Variants in TRIM15 observed in about 807,000 individuals in gnomAD.
TRIM15 encodes the protein tripartite motif containing 15, also known as E3 ubiquitin-protein ligase TRIM15.
TRIM15 carries 35 observed loss-of-function variants against 35.8 expected under a neutral mutation model. That is an observed-to-expected ratio of 0.98 (90% CI 0.75 to 1.30). The LOEUF is 1.30. Among genes scored for constraint, TRIM15 ranks in the 50% most tolerant of loss-of-function variants. The pLI, the probability that TRIM15 is intolerant of heterozygous loss-of-function variation, is 0.00. For missense variants in TRIM15, 590 were observed against 593.5 expected (o/e 0.99, Z 0.06); for synonymous variants, 252 against 249.8 (o/e 1.01, Z -0.08).
Position 30,172,334 on chromosome 6 carries a change from T to C in TRIM15, c.1383T>C (p.Leu461=). ...CCGTCTGGAAAAAAGGTTCCTGCCTTACGCTGAAAGGCTGAAGTGGGGCGC... is the reference window on the plus strand; with the variant it reads ...CCGTCTGGAAAAAAGGTTCCTGCCTCACGCTGAAAGGCTGAAGTGGGGCGC... ...FFAVWKKGSC[L]TLKG The change falls in exon 7 of 7, where the codon CTT becomes CTC. Residue 461 remains leucine, a synonymous_variant. Transcript: ENST00000376694. 6.2e-7 allele frequency: 1 copy of C among 1,607,232 alleles called. No homozygotes were observed. Among genetic ancestry groups the C allele is most frequent in the Non-Finnish European group, 8.5e-7 (1 of 1,176,858 alleles).
At chr6:30,170,731 G>C (rs1773954005) in intron 5 of TRIM15, 115 bp downstream of exon 5, 2 of 854,218 alleles carry the variant, frequency 2.3e-6, no homozygotes, top group African/African-American at 3.4e-5. Context: ...TCCCTCCCCA[G>C]AGCCTTCCCT....
intron 1 of TRIM15, 73 bp downstream of exon 1, chr6:30,164,138 C>T (rs927595097): frequency 4.9e-5 from 75 of 1,533,128 alleles, no homozygotes; most frequent in African/African-American, 6.9e-5. Flanking sequence ...GGAAATCGGG[C>T]GGGGATCTGG....
intron 2 of TRIM15, 74 bp downstream of exon 2, chr6:30,167,345 G>A: frequency 7.9e-7 from 1 of 1,262,744 alleles, no homozygotes; most frequent in South Asian, 1.2e-5. Flanking sequence ...CCGTTGGCTG[G>A]TATCTGTTTC....
Position 30,164,076 on chromosome 6 carries a change from T to C in TRIM15, c.381+11T>C. The C allele has an allele frequency of 6.2e-7, 1 of 1,603,088 alleles. No homozygotes were observed. Among genetic ancestry groups the C allele is most frequent in the Non-Finnish European group, 8.5e-7 (1 of 1,174,114 alleles). Reference sequence around the variant, plus strand: ...ATTCAGCCCTACCGGGTAAGAAGTGTAGCTTTACCTAGGGCCTGTTTGGGG... The same window carrying C: ...ATTCAGCCCTACCGGGTAAGAAGTGCAGCTTTACCTAGGGCCTGTTTGGGG... On this transcript the variant is annotated intron_variant, in intron 1 of 6. Coordinates refer to ENST00000376694, the MANE Select transcript of TRIM15 (RefSeq NM_033229.3).
intron 6 of TRIM15, 114 bp from the exon 7 acceptor site, chr6:30,171,718 C>A: frequency 1.5e-6 from 2 of 1,356,326 alleles, no homozygotes; most frequent in Non-Finnish European, 1.9e-6. Flanking sequence ...GAGAAGTGGC[C>A]CAATGGCAGG....
rs149454547 is a variant in TRIM15 at position 30,172,633 on chromosome 6, G to C, written c.*284G>C. 0.014 allele frequency: 9,115 copies of C among 651,866 alleles called. 113 individuals carry two copies. Among genetic ancestry groups the C allele is most frequent in the Middle Eastern group, 0.027 (112 of 4,082 alleles). The allele number at this position is 651,866 out of a possible 1,614,324, so 40.4% of individuals were successfully genotyped here. ...GGCAACAGCCAACCTAGGAGCCAGC[G>C]GGCTTTCGGGGAAAAAAAAGAAAAA... On this transcript the variant is annotated 3_prime_UTR_variant, in exon 7 of 7. Coordinates refer to ENST00000376694, the MANE Select transcript of TRIM15 (RefSeq NM_033229.3).
chr6:30,171,032 G>A (rs1431968475), intron 6 of TRIM15, 24 bp downstream of exon 6: 1 of 1,608,106 alleles, frequency 6.2e-7, no homozygotes, highest in Admixed American at 1.7e-5. Flanking sequence ...GATTTGGGGA[G>A]TCATTCTTCC....
chr6:30,164,209 C>A, intron 1 of TRIM15, 144 bp downstream of exon 1: 1 of 1,239,550 alleles, frequency 8.1e-7, no homozygotes, highest in Non-Finnish European at 1.1e-6. Flanking sequence ...CATTCCCAGA[C>A]TGAAGGCAGA....
intron 4 of TRIM15, chr6:30,169,850 C>T (rs1773886424): frequency 4.1e-6 from 1 of 246,120 alleles, no homozygotes; most frequent in African/African-American, 2.3e-5. Flanking sequence ...GAACAATTGT[C>T]ACGTGCTTTG....
chr6:30,165,671 T>C (rs903599384), intron 1 of TRIM15, among the ~76,000 whole-genome samples: 3 of 152,148 alleles, frequency 2.0e-5, no homozygotes, highest in Non-Finnish European at 4.4e-5. Context: ...TCTTGAGGAG[T>C]TGCCACACTG....
intron 2 of TRIM15, among the ~76,000 whole-genome samples, chr6:30,168,055 TCAA>T (rs1371531284): frequency 6.6e-6 from 1 of 152,218 alleles, no homozygotes; most frequent in Non-Finnish European, 1.5e-5. Flanking sequence ...TTTGAAAAGT[TCAA>T]CATCATTCTG....
chr6:30,165,178 C>T (rs1051942551), intron 1 of TRIM15, among the ~76,000 whole-genome samples: 5 of 151,736 alleles, frequency 3.3e-5, no homozygotes, highest in East Asian at 1.9e-4. Flanking sequence ...TAGGTATATA[C>T]GTGCCATGGT....
In TRIM15 at chr6:30,172,310, C is replaced by T; in HGVS notation, c.1359C>T (p.Ala453=). 3 of 1,610,332 alleles carry T rather than the reference C, an allele frequency of 1.9e-6. No individual in the cohort carries two copies. The highest frequency in any genetic ancestry group is 2.5e-6 in the Non-Finnish European group (3 of 1,179,146). Reference sequence around the variant, plus strand: ...CCGGCAAAGTCTTCCCTTTCTTTGCCGTCTGGAAAAAAGGTTCCTGCCTTA... The same window carrying T: ...CCGGCAAAGTCTTCCCTTTCTTTGCTGTCTGGAAAAAAGGTTCCTGCCTTA... ...SFSGKVFPFF[A]VWKKGSCLTL... is the part of the protein sequence containing the mutation. Residue 453 remains alanine (A), a synonymous_variant, in exon 7 of 7, where the codon GCC becomes GCT. Coordinates refer to ENST00000376694, the MANE Select transcript of TRIM15 (RefSeq NM_033229.3).
chr6:30,170,704 C>T (rs1773951695), intron 5 of TRIM15, 88 bp downstream of exon 5: 2 of 1,101,684 alleles, frequency 1.8e-6, no homozygotes, highest in East Asian at 2.4e-5. Context: ...GCCCTTGAAA[C>T]CTGGCTCGAG....
chr6:30,170,347 CA>C lies in TRIM15; in HGVS notation c.732-153del, dbSNP rs1773920184. On this transcript the variant is annotated intron_variant, in intron 4 of 6. Transcript: ENST00000376694. ...GAAATGCCTACTATTTTAGTAACTA[CA>C]CATTTCCAGCAAAAGTAAAGAAATG... 8 of 587,242 alleles carry C rather than the reference CA, an allele frequency of 1.4e-5. No homozygotes were observed. In the Admixed American group the frequency reaches 1.6e-4, roughly 12 times the overall value. 36.4% of individuals were successfully genotyped at this position (587,242 alleles called of 1,614,324 possible).
chr6:30,171,081 A>C, intron 6 of TRIM15, 73 bp downstream of exon 6: 1 of 1,508,614 alleles, frequency 6.6e-7, no homozygotes, highest in South Asian at 1.2e-5. Context: ...CAGAGCAATA[A>C]AATGCATGAA....
intron 3 of TRIM15, 47 bp downstream of exon 3, chr6:30,168,577 G>A: frequency 6.6e-7 from 1 of 1,519,264 alleles, no homozygotes; most frequent in Non-Finnish European, 8.9e-7. Context: ...GGACTCCACG[G>A]GGAAGGGGGT....
In TRIM15 at chr6:30,172,214, C is replaced by T; in HGVS notation, c.1263C>T (p.Tyr421=). Residue 421 remains tyrosine, a synonymous_variant, in exon 7 of 7, where the codon TAC becomes TAT. Coordinates refer to ENST00000376694, the MANE Select transcript of TRIM15 (RefSeq NM_033229.3). ...GCGGCGTGAGAGTCGCCCTGGACTA[C>T]GAGGCGGGGCAGGTGACCCTCCACA... ...IPRGVRVALD[Y]EAGQVTLHNA... 2 of 1,611,726 alleles carry T rather than the reference C, an allele frequency of 1.2e-6. No individual in the cohort carries two copies.
At position 30,168,534 on chromosome 6, in the gene TRIM15, A is replaced by C; in HGVS notation, c.708+4A>C. On this transcript the variant is annotated splice_donor_region_variant and intron_variant, in intron 3 of 6. Coordinates refer to ENST00000376694, the MANE Select transcript of TRIM15 (RefSeq NM_033229.3). ...GCCAGCAAGTGAGCTTCTACAAGTG[A>C]GAGACACTTCACCACTTTGTAGGAT... 1 of 1,578,554 alleles carries C rather than the reference A, an allele frequency of 6.3e-7. No homozygotes were observed. The highest frequency in any genetic ancestry group is 8.6e-7 in the Non-Finnish European group (1 of 1,161,092).
Sources: allele counts gnomAD v4.1 joint callset (sites outside exome capture counted in the v4.1 genomes callset), GRCh38; gene constraint gnomAD v4.1.1; transcripts MANE v1.5; gene names NCBI Gene and HGNC (gene_info 2026-07-23, HGNC 2026-07-21).